AFTPH: variants seen among roughly 807,000 people sequenced by gnomAD.
AFTPH encodes aftiphilin.
A neutral mutation model predicts 72.5 loss-of-function variants in AFTPH; 7 were observed. The observed-to-expected ratio is 0.10, with a 90% CI of 0.05 to 0.18. The LOEUF (loss-of-function observed/expected upper bound fraction) is 0.18. AFTPH is among the 10% of genes least tolerant of loss of function. The pLI, the probability that AFTPH is intolerant of heterozygous loss-of-function variation, is 1.00. For synonymous variants in AFTPH, 337 were observed against 370.1 expected, an observed-to-expected ratio of 0.91 and a Z score of 1.03; for missense variants, 979 against 1,060.5, an observed-to-expected ratio of 0.92 and a Z score of 1.07.
intron 7 of AFTPH, 155 bp from the exon 8 acceptor site, chr2:64,581,033 TAC>T: frequency 1.8e-6 from 1 of 546,260 alleles, no homozygotes; most frequent in African/African-American, 1.9e-5. Context: ...GCTAATACTG[TAC>T]ACATTGTTTT....
At chr2:64,581,533 G>GAAAAAAAAACCAA (rs1673197078) in intron 7 of AFTPH, among the ~76,000 whole-genome samples, 2 of 151,832 alleles carry the variant, frequency 1.3e-5, no homozygotes, top group Non-Finnish European at 2.9e-5. Flanking sequence ...ACAGTTAAAG[G>GAAAAAAAAACCAA]CAGGGCTGTT....
chr2:64,552,266 C>A, exon 2 of AFTPH: 1 of 1,613,956 alleles, frequency 6.2e-7, no homozygotes, highest in Non-Finnish European at 8.5e-7. Context: ...TTCGGGAAAA[C>A]AATAAAATTA....
chr2:64,546,676 T>C (rs777185605), intron 1 of AFTPH, among the ~76,000 whole-genome samples: 2 of 152,060 alleles, frequency 1.3e-5, no homozygotes, highest in Non-Finnish European at 2.9e-5. Context: ...TGATGCCCCA[T>C]CACTACCAAA....
chr2:64,585,342 T>A, intron 7 of AFTPH, 80 bp from the exon 9 acceptor site: 1 of 1,529,366 alleles, frequency 6.5e-7, no homozygotes, highest in East Asian at 2.3e-5. Context: ...TACAGAATAT[T>A]GCCTTTTGCA....
At chr2:64,582,959 T>C (rs144988762) in intron 7 of AFTPH, among the ~76,000 whole-genome samples, 2 of 152,184 alleles carry the variant, frequency 1.3e-5, no homozygotes, top group South Asian at 4.1e-4. Flanking sequence ...GGAAGTGAAA[T>C]CAGCATGGTC....
intron 6 of AFTPH, among the ~76,000 whole-genome samples, chr2:64,573,828 TTG>T (rs1672603858): frequency 1.3e-5 from 2 of 152,138 alleles, no homozygotes. Flanking sequence ...CAGCTAATTT[TTG>T]TGTTTTTAGT....
chr2:64,537,006 C>CT (rs1280641676), intron 1 of AFTPH, among the ~76,000 whole-genome samples: 1 of 147,502 alleles, frequency 6.8e-6, no homozygotes, highest in Non-Finnish European at 1.5e-5. Context: ...TTCAGAAATG[C>CT]TTTTTCACTT....
At chr2:64,573,137 T>C (rs1672548608) in intron 6 of AFTPH, 69 bp downstream of exon 6, 2 of 1,164,036 alleles carry the variant, frequency 1.7e-6, no homozygotes, top group South Asian at 1.7e-5. Context: ...ACATACTGCC[T>C]TTTTCCTTCA....
At chr2:64,540,260 A>G (rs916147552) in intron 1 of AFTPH, among the ~76,000 whole-genome samples, 1 of 152,182 alleles carries the variant, frequency 6.6e-6, no homozygotes, top group Non-Finnish European at 1.5e-5. Context: ...AATGTTTTCC[A>G]AGGGCTAATC....
At chr2:64,553,632 A>G (rs554466105) in intron 2 of AFTPH, among the ~76,000 whole-genome samples, 13 of 151,810 alleles carry the variant, frequency 8.6e-5, no homozygotes, top group East Asian at 5.8e-4. Flanking sequence ...CTTTATCTCA[A>G]TGAGTTTCGT....
chr2:64,591,800 A>G (rs1214354873), intron 8 of AFTPH, 88 bp from the exon 10 acceptor site: 7 of 1,413,076 alleles, frequency 5.0e-6, no homozygotes, highest in East Asian at 2.3e-5. Flanking sequence ...ACAGATTGCT[A>G]ACTGTCTACC....
chr2:64,554,547 T>C (rs1210290211), intron 2 of AFTPH, among the ~76,000 whole-genome samples: 4 of 152,256 alleles, frequency 2.6e-5, no homozygotes, highest in East Asian at 1.9e-4. Context: ...GAAATACTTA[T>C]ATTTCATTGC....
intron 6 of AFTPH, among the ~76,000 whole-genome samples, chr2:64,579,225 T>C (rs1673013579): frequency 2.0e-5 from 3 of 152,212 alleles, no homozygotes; most frequent in Admixed American, 6.5e-5. Context: ...AATCAGTTCA[T>C]AAATTTGTTT....
chr2:64,531,756 A>G (rs1669643182), intron 1 of AFTPH, among the ~76,000 whole-genome samples: 1 of 152,216 alleles, frequency 6.6e-6, no homozygotes. Flanking sequence ...ACATGTTAAA[A>G]TAATATTGTG....
intron 6 of AFTPH, among the ~76,000 whole-genome samples, chr2:64,575,344 G>A (rs116302271): frequency 1.8e-3 from 276 of 152,262 alleles, no homozygotes; most frequent in African/African-American, 6.0e-3. Context: ...ATATTTAACA[G>A]AGCAGGCTTG....
exon 2 of AFTPH, chr2:64,552,420 G>T (rs758613179): frequency 1.2e-6 from 2 of 1,614,072 alleles, no homozygotes; most frequent in Admixed American, 3.3e-5. Flanking sequence ...TGAAAAACAA[G>T]GCCTTCCAAC....
At chr2:64,591,957 A>G (rs1673853181) in exon 9 of AFTPH, 1 of 1,614,020 alleles carries the variant, frequency 6.2e-7, no homozygotes, top group Non-Finnish European at 8.5e-7. Context: ...CTGACTTAAC[A>G]TTCATGCATG....
intron 4 of AFTPH, 88 bp downstream of exon 4, chr2:64,569,306 C>G: frequency 3.4e-6 from 5 of 1,459,104 alleles, no homozygotes; most frequent in Non-Finnish European, 4.6e-6. Flanking sequence ...CTGTGGTAAG[C>G]TAGTTCCTCA....
chr2:64,528,938 G>A (rs1669441457), intron 1 of AFTPH, among the ~76,000 whole-genome samples: 2 of 152,122 alleles, frequency 1.3e-5, no homozygotes, highest in African/African-American at 4.8e-5. Context: ...ATAGACTATA[G>A]GAGTGGAATG....
Sources: gnomAD v4.1 joint callset for allele counts (sites outside exome capture counted in the v4.1 genomes callset) on GRCh38, gnomAD v4.1.1 for gene constraint, MANE v1.5 for transcripts, NCBI Gene and HGNC (gene_info 2026-07-23, HGNC 2026-07-21) for gene names.